NMNAT3: variants seen among roughly 807,000 people sequenced by gnomAD.
NMNAT3 encodes the protein nicotinamide nucleotide adenylyltransferase 3.
A neutral mutation model predicts 24.8 loss-of-function variants in NMNAT3; 21 were observed. The ratio of observed to expected loss-of-function variants is 0.85; its 90% CI spans 0.60 to 1.22. The LOEUF (loss-of-function observed/expected upper bound fraction) is 1.22. Ranked by LOEUF, NMNAT3 falls within the 50% of genes most tolerant of loss-of-function variation. The pLI is 0.00. For synonymous variants in NMNAT3, 136 were observed against 155.2 expected (o/e 0.88, Z 0.92); for missense variants, 387 against 436.6 (o/e 0.89, Z 1.01).
chr3:139,654,471 G>A lies in NMNAT3; in HGVS notation c.-140-16409C>T, dbSNP rs190557847. ...ATGAAACTGACCTCCTTCAGATGCCGAAAGCATTTGTGTGCCCTTCAGTAC... is the reference window on the plus strand; with the variant it reads ...ATGAAACTGACCTCCTTCAGATGCCAAAAGCATTTGTGTGCCCTTCAGTAC... On this transcript the variant is annotated intron_variant, in intron 1 of 6. Transcript: ENST00000643695. 2.6e-5 allele frequency among the ~76,000 whole-genome samples: 4 copies of A among 152,322 alleles called. No individual in the cohort carries two copies. In the East Asian group the frequency reaches 5.8e-4, roughly 22 times the overall value.
intron 1 of NMNAT3, among the ~76,000 whole-genome samples, chr3:139,641,549 G>C (rs905571100): frequency 3.9e-5 from 6 of 152,138 alleles, no homozygotes; most frequent in African/African-American, 1.4e-4. Flanking sequence ...AGTTAGGCCA[G>C]AGGAACTAAA....
chr3:139,575,777 C>T, intron 5 of NMNAT3: 1 of 1,155,606 alleles, frequency 8.7e-7, no homozygotes, highest in South Asian at 1.9e-5. Context: ...ACCCTGGGGG[C>T]ATGTTCTTGG....
At chr3:139,660,922 G>A (rs956233529) in intron 1 of NMNAT3, among the ~76,000 whole-genome samples, 1 of 152,136 alleles carries the variant, frequency 6.6e-6, no homozygotes, top group Non-Finnish European at 1.5e-5. Context: ...TAAAGAAAAC[G>A]TGCCGGGAAA....
Position 139,573,683 on chromosome 3 carries a change from G to A in NMNAT3, c.576-3C>T. On this transcript the variant is annotated splice_region_variant and splice_polypyrimidine_tract_variant and intron_variant, in intron 5 of 6. Transcript: ENST00000643695. ...TGAGCAGTTTGCTGTGATGATGCCT[G>A]TGTTGTAAACATATGGGCTCAGGGT... 6.3e-7 allele frequency: 1 copy of A among 1,578,360 alleles called. No homozygotes were observed. Among genetic ancestry groups the A allele is most frequent in the Non-Finnish European group, 8.6e-7 (1 of 1,160,046 alleles).
At chr3:139,645,377 C>A (rs2056837278) in intron 1 of NMNAT3, among the ~76,000 whole-genome samples, 1 of 152,014 alleles carries the variant, frequency 6.6e-6, no homozygotes, top group African/African-American at 2.4e-5. Flanking sequence ...GAAAATAATG[C>A]CTTAGACAAA....
chr3:139,592,826 A>AGCT (rs1197261355), intron 3 of NMNAT3, among the ~76,000 whole-genome samples: 47 of 152,338 alleles, frequency 3.1e-4, no homozygotes, highest in Middle Eastern at 6.8e-3. Flanking sequence ...GAAGCACTAA[A>AGCT]CATGGAAAGG....
intron 1 of NMNAT3, among the ~76,000 whole-genome samples, chr3:139,661,804 C>T (rs2108428187): frequency 6.6e-6 from 1 of 152,252 alleles, no homozygotes; most frequent in South Asian, 2.1e-4. Flanking sequence ...ACATTATAAA[C>T]ACCATGTTAT....
intron 3 of NMNAT3, chr3:139,583,634 C>T (rs2053774390): frequency 3.1e-6 from 3 of 978,236 alleles, no homozygotes; most frequent in African/African-American, 1.6e-5. Context: ...TTCTAAAACA[C>T]ATATCATCTG....
intron 1 of NMNAT3, among the ~76,000 whole-genome samples, chr3:139,646,508 CCT>C (rs1354304669): frequency 6.6e-6 from 1 of 152,164 alleles, no homozygotes; most frequent in Non-Finnish European, 1.5e-5. Flanking sequence ...CAATCATTCC[CCT>C]GAGCCACTCC....
chr3:139,615,723 AG>A lies in NMNAT3; in HGVS notation c.109+11892del, dbSNP rs1203045561. Among the ~76,000 whole-genome samples, 40 of 18,666 alleles carry A rather than the reference AG, an allele frequency of 2.1e-3. No individual in the cohort carries two copies. The Non-Finnish European group carries it at 0.073, about 34-fold the overall frequency. 12.2% of individuals were successfully genotyped at this position (18,666 alleles called of 152,430 possible). A position where few individuals can be genotyped will look rare whatever the true frequency, so the allele number is the denominator to read the frequency against. On this transcript the variant is annotated intron_variant, in intron 3 of 6. Coordinates refer to ENST00000643695, the MANE Select transcript of NMNAT3 (RefSeq NM_001320510.2). ...ACACAGAAAGTAGTTTCAGAATGCTAGCGTGTGTATCAGGAAAAAGAAATCT... is the reference window on the plus strand; with the variant it reads ...ACACAGAAAGTAGTTTCAGAATGCTACGTGTGTATCAGGAAAAAGAAATCT...
chr3:139,636,769 A>G (rs1318755817), intron 2 of NMNAT3: 1 of 152,194 alleles, frequency 6.6e-6, no homozygotes, highest in Non-Finnish European at 1.5e-5. Flanking sequence ...GTTTTTAGCA[A>G]TGTTATGAGT....
chr3:139,627,831 T>C (rs2056123304), intron 2 of NMNAT3, 67 bp from the exon 4 acceptor site: 2 of 581,254 alleles, frequency 3.4e-6, no homozygotes, highest in East Asian at 2.9e-5. Context: ...TCAGTCTCTC[T>C]AAACCACACA....
intron 3 of NMNAT3, among the ~76,000 whole-genome samples, chr3:139,596,916 G>GTGTGTGTGTATATA (rs1393197797): frequency 1.0e-5 from 1 of 97,164 alleles, no homozygotes; most frequent in Non-Finnish European, 2.1e-5. Flanking sequence ...TGTCATGTGT[G>GTGTGTGTGTATATA]TATATATATA....
chr3:139,573,709 A>T (rs778821588), intron 5 of NMNAT3, 29 bp from the exon 6 acceptor site: 1 of 1,358,826 alleles, frequency 7.4e-7, no homozygotes, highest in East Asian at 2.5e-5. Flanking sequence ...GGCTCAGGGT[A>T]TGTCTGTCCT....
At chr3:139,618,866 A>G (rs1156994196) in intron 3 of NMNAT3, among the ~76,000 whole-genome samples, 1 of 152,100 alleles carries the variant, frequency 6.6e-6, no homozygotes, top group Non-Finnish European at 1.5e-5. Flanking sequence ...CACTCCACAT[A>G]CTCTCATGGT....
intron 1 of NMNAT3, among the ~76,000 whole-genome samples, chr3:139,667,466 T>G (rs1164784942): frequency 6.6e-6 from 1 of 152,208 alleles, no homozygotes; most frequent in African/African-American, 2.4e-5. Context: ...TTGGGCTTTT[T>G]TTTGCTATTG....
At chr3:139,652,696 A>T (rs1296542638) in intron 1 of NMNAT3, among the ~76,000 whole-genome samples, 2 of 152,222 alleles carry the variant, frequency 1.3e-5, no homozygotes, top group African/African-American at 4.8e-5. Flanking sequence ...AATTTTCAAA[A>T]CCAAATTACA....
At chr3:139,608,225 T>C (rs1312862386) in intron 3 of NMNAT3, among the ~76,000 whole-genome samples, 2 of 152,210 alleles carry the variant, frequency 1.3e-5, no homozygotes, top group African/African-American at 2.4e-5. Context: ...CTGGCTGGTA[T>C]AGCAGCAGCG....
At chr3:139,668,981 G>C (rs1284747120) in intron 1 of NMNAT3, among the ~76,000 whole-genome samples, 1 of 152,172 alleles carries the variant, frequency 6.6e-6, no homozygotes, top group African/African-American at 2.4e-5. Context: ...GAAAGCATAT[G>C]AATTTTAACA....
Sources: allele counts gnomAD v4.1 joint callset (sites outside exome capture counted in the v4.1 genomes callset), GRCh38; gene constraint gnomAD v4.1.1; transcripts MANE v1.5; gene names NCBI Gene and HGNC (gene_info 2026-07-23, HGNC 2026-07-21).